Variants in TRIM67 observed in about 807,000 individuals in gnomAD.
TRIM67 encodes tripartite motif-containing protein 67.
In TRIM67, 39 loss-of-function variants were observed where a neutral mutation model predicts 71.0. The observed-to-expected ratio is 0.55, with a 90% CI of 0.43 to 0.72. TRIM67 has a LOEUF of 0.72. Ranked by LOEUF, TRIM67 falls within the 30% of genes least tolerant of loss-of-function variation. The pLI, the probability that TRIM67 is intolerant of heterozygous loss-of-function variation, is 0.00. For synonymous variants in TRIM67, 481 were observed against 473.9 expected, an observed-to-expected ratio of 1.01 and a Z score of -0.19; for missense variants, 973 against 1,079.2, an observed-to-expected ratio of 0.90 and a Z score of 1.38.
Position 231,213,993 on chromosome 1 carries a change from G to A in TRIM67, c.2286+16G>A. ...CAACGTGCAGGTACACACCTCCCCA[G>A]GGCCGGACCTGGTCTGGCTGCTCCC... is the stretch of plus-strand genomic sequence containing the variant. On this transcript the variant is annotated intron_variant, in intron 9 of 9. Coordinates refer to ENST00000366653, the MANE Select transcript of TRIM67 (RefSeq NM_001004342.5). 6.3e-7 allele frequency: 1 copy of A among 1,597,632 alleles called. No individual in the cohort carries two copies. The highest frequency in any genetic ancestry group is 2.2e-5 in the East Asian group (1 of 44,668).
chr1:231,187,970 G>T (rs898625344), intron 1 of TRIM67, among the ~76,000 whole-genome samples: 1 of 152,168 alleles, frequency 6.6e-6, no homozygotes, highest in Non-Finnish European at 1.5e-5. Context: ...GTTCTTTCGT[G>T]TTCTCTCCCA....
chr1:231,167,959 C>G (rs1397464714), intron 1 of TRIM67, among the ~76,000 whole-genome samples: 2 of 145,958 alleles, frequency 1.4e-5, no homozygotes, highest in African/African-American at 5.0e-5. Context: ...ATTTGTAATT[C>G]TTTTTTTTTT....
chr1:231,175,454 A>G (rs1424598636), intron 1 of TRIM67, among the ~76,000 whole-genome samples: 1 of 152,336 alleles, frequency 6.6e-6, no homozygotes, highest in Middle Eastern at 3.4e-3. Flanking sequence ...TTAGACTCCT[A>G]ATTCAGAGAT....
Position 231,197,410 on chromosome 1 carries a change from G to A in TRIM67, c.1084G>A (p.Ala362Thr). The part of the protein sequence containing the change: ...SQALNGVSDK[A>T]KEAKEFLVQL... ...GGCCTTAAATGGAGTTTCAGATAAG[G>A]CAAAGGAAGCAAAGGAGTTTCTGGT... The change falls in exon 2 of 10, where the codon GCA (alanine) becomes ACA (threonine). Residue 362 changes from alanine to threonine, a missense_variant. Coordinates refer to ENST00000366653, the MANE Select transcript of TRIM67 (RefSeq NM_001004342.5). 6.2e-7 allele frequency: 1 copy of A among 1,614,002 alleles called. No homozygotes were observed. The highest frequency in any genetic ancestry group is 8.5e-7 in the Non-Finnish European group (1 of 1,179,888).
chr1:231,176,910 A>AAAAAAAAAAAAAAAAAAAAAC (rs1682764746), intron 1 of TRIM67, among the ~76,000 whole-genome samples: 1 of 151,092 alleles, frequency 6.6e-6, no homozygotes. Flanking sequence ...ATCTGGCAAA[A>AAAAAAAAAAAAAAAAAAAAAC]AAAAAAAAAA....
At chr1:231,169,634 C>T (rs1682571426) in intron 1 of TRIM67, among the ~76,000 whole-genome samples, 1 of 152,160 alleles carries the variant, frequency 6.6e-6, no homozygotes, top group Admixed American at 6.5e-5. Flanking sequence ...CTGCCTCGGC[C>T]TCCCAAAGTG....
intron 1 of TRIM67, among the ~76,000 whole-genome samples, chr1:231,168,139 A>T (rs1042497100): frequency 2.0e-5 from 3 of 151,540 alleles, no homozygotes; most frequent in Admixed American, 1.3e-4. Context: ...TAATTTTAAA[A>T]TTTTTTGTAG....
Position 231,220,000 on chromosome 1 carries a change from T to C in TRIM67, c.*4560T>C. ...GGTATGAGTGGGGGCCAATCTCTTA[T>C]CCTTTCTGTGCCTCAGTATCCCCAC... On this transcript the variant is annotated 3_prime_UTR_variant, in exon 10 of 10. Coordinates refer to ENST00000366653, the MANE Select transcript of TRIM67 (RefSeq NM_001004342.5). The C allele has an allele frequency of 7.9e-7, 1 of 1,271,052 alleles. No homozygotes were observed. Among genetic ancestry groups the C allele is most frequent in the South Asian group, 1.2e-5 (1 of 80,636 alleles). The allele number at this position is 1,271,052 out of a possible 1,614,324, so 78.7% of individuals were successfully genotyped here.
In TRIM67 at chr1:231,162,865, G is replaced by C; in HGVS notation, c.-105G>C. On this transcript the variant is annotated 5_prime_UTR_variant, in exon 1 of 10. Coordinates refer to ENST00000366653, the MANE Select transcript of TRIM67 (RefSeq NM_001004342.5). ...GTGGGCATGCCCGTGTGATGCCCCC[G>C]CCCGTCGTCTCACCGGGGCGCACCG... 6.9e-7 allele frequency: 1 copy of C among 1,458,362 alleles called. No homozygotes were observed. Among genetic ancestry groups the C allele is most frequent in the Non-Finnish European group, 9.1e-7 (1 of 1,093,210 alleles). 90.3% of individuals were successfully genotyped at this position (1,458,362 alleles called of 1,614,324 possible).
chr1:231,166,839 G>A (rs1272008205), intron 1 of TRIM67, among the ~76,000 whole-genome samples: 1 of 152,188 alleles, frequency 6.6e-6, no homozygotes, highest in Non-Finnish European at 1.5e-5. Flanking sequence ...GAATTTCTTG[G>A]GAGAGGATTA....
intron 1 of TRIM67, among the ~76,000 whole-genome samples, chr1:231,173,402 C>T (rs1682663235): frequency 6.6e-6 from 1 of 152,080 alleles, no homozygotes; most frequent in South Asian, 2.1e-4. Flanking sequence ...ACCAATAGTA[C>T]TTAGGCAGAC....
At chr1:231,175,577 C>T (rs1235400597) in intron 1 of TRIM67, among the ~76,000 whole-genome samples, 1 of 152,212 alleles carries the variant, frequency 6.6e-6, no homozygotes, top group Non-Finnish European at 1.5e-5. Flanking sequence ...CACACGCAGC[C>T]GGCTGCATTA....
intron 1 of TRIM67, among the ~76,000 whole-genome samples, chr1:231,193,003 G>C (rs902650387): frequency 6.6e-6 from 1 of 152,212 alleles, no homozygotes; most frequent in Non-Finnish European, 1.5e-5. Context: ...GCTCTGGGGA[G>C]GGCTGGGCTC....
intron 1 of TRIM67, among the ~76,000 whole-genome samples, chr1:231,170,733 C>G (rs1455697949): frequency 6.6e-6 from 1 of 152,178 alleles, no homozygotes; most frequent in Non-Finnish European, 1.5e-5. Context: ...TGAAACACGG[C>G]CACACTCATT....
At chr1:231,167,673 T>G (rs1254829786) in intron 1 of TRIM67, among the ~76,000 whole-genome samples, 1 of 151,904 alleles carries the variant, frequency 6.6e-6, no homozygotes, top group Admixed American at 6.6e-5. Context: ...CAGGCTTGTC[T>G]CCAACTCCTG....
intron 2 of TRIM67, 58 bp from the exon 3 acceptor site, chr1:231,198,989 T>C (rs953681363): frequency 1.9e-6 from 3 of 1,610,534 alleles, no homozygotes; most frequent in African/African-American, 1.3e-5. Flanking sequence ...CACCAGATTT[T>C]AGCATCTTCC....
At chr1:231,202,179 G>A in intron 5 of TRIM67, among the ~76,000 whole-genome samples, 4 of 152,004 alleles carry the variant, frequency 2.6e-5, no homozygotes, top group South Asian at 2.1e-4. Flanking sequence ...GGAGGAGGAG[G>A]TGGAAGAGGA....
In TRIM67 at chr1:231,163,315, AC is replaced by A; in HGVS notation, c.350del (p.Pro117ArgfsTer200). 1 of 1,519,414 alleles carries A rather than the reference AC, an allele frequency of 6.6e-7. No individual in the cohort carries two copies. Among genetic ancestry groups the A allele is most frequent in the Non-Finnish European group, 8.8e-7 (1 of 1,132,598 alleles). 94.1% of individuals were successfully genotyped at this position (1,519,414 alleles called of 1,614,324 possible). A position where few individuals can be genotyped will look rare whatever the true frequency, so the allele number is the denominator to read the frequency against. Reference sequence around the variant, plus strand: ...GACAGACAGCGGCTACGGGTCCTACACCCCGAGCCTCAAGTCCCCCAACGGG... The same window carrying A: ...GACAGACAGCGGCTACGGGTCCTACACCCGAGCCTCAAGTCCCCCAACGGG... ...SETDSGYGSY[T>X]PSLKSPNGVR... On this transcript the variant is annotated frameshift_variant, in exon 1 of 10. Transcript: ENST00000366653. LOFTEE classifies it high-confidence loss of function.
At chr1:231,202,827 C>T (rs774289554) in intron 5 of TRIM67, among the ~76,000 whole-genome samples, 7 of 152,166 alleles carry the variant, frequency 4.6e-5, no homozygotes, top group Non-Finnish European at 1.0e-4. Context: ...AGTGGATGAG[C>T]TGCAGTGGAA....
Sources: allele counts gnomAD v4.1 joint callset (sites outside exome capture counted in the v4.1 genomes callset), GRCh38; gene constraint gnomAD v4.1.1; transcripts MANE v1.5; gene names NCBI Gene and HGNC (gene_info 2026-07-23, HGNC 2026-07-21).